Variants in SLC5A10 observed in about 807,000 individuals in gnomAD.
SLC5A10 encodes the protein sodium/mannose cotransporter SLC5A10.
Under a neutral mutation model 68.9 loss-of-function variants are expected in SLC5A10, and 55 were observed. The observed-to-expected ratio is 0.80, with a 90% confidence interval of 0.64 to 1.00. The LOEUF is 1.00. Ranked by LOEUF, SLC5A10 falls within the 50% of genes least tolerant of loss-of-function variation. SLC5A10 has a pLI of 0.00. For synonymous variants in SLC5A10, 344 were observed against 344.8 expected (o/e 1.00, Z 0.02); for missense variants, 732 against 819.3 (o/e 0.89, Z 1.30).
chr17:18,952,378 A>T, intron 1 of SLC5A10, 62 bp downstream of exon 1: 1 of 1,549,878 alleles, frequency 6.5e-7, no homozygotes, highest in Non-Finnish European at 8.7e-7. Flanking sequence ...TGGGGTGGGA[A>T]CCGGGGTCCA....
At chr17:18,952,449 C>A in intron 1 of SLC5A10, 133 bp downstream of exon 1, 1 of 1,112,100 alleles carries the variant, frequency 9.0e-7, no homozygotes, top group South Asian at 1.6e-5. Flanking sequence ...TTGTGGTCCT[C>A]CTCCCAGCCT....
At chr17:18,984,490 C>T (rs546188062) in intron 9 of SLC5A10, among the ~76,000 whole-genome samples, 24 of 152,338 alleles carry the variant, frequency 1.6e-4, no homozygotes, top group African/African-American at 5.8e-4. Flanking sequence ...CAGCGTGAGG[C>T]CTGAGCGGCA....
Position 18,960,546 on chromosome 17 carries a change from A to C in SLC5A10, c.349-2A>C. The C allele has an allele frequency of 6.2e-7, 1 of 1,613,908 alleles. No homozygotes were observed. The highest frequency in any genetic ancestry group is 8.5e-7 in the Non-Finnish European group (1 of 1,179,868). Reference sequence around the variant, plus strand: ...TTAGCCCCTACCCATGTGCCTTCCCAGATCGTCACCTTACCTGAGTACATT... The same window carrying C: ...TTAGCCCCTACCCATGTGCCTTCCCCGATCGTCACCTTACCTGAGTACATT... On this transcript the variant is annotated splice_acceptor_variant, in intron 4 of 14. Coordinates refer to ENST00000395645, the MANE Select transcript of SLC5A10 (RefSeq NM_001042450.4). LOFTEE classifies it high-confidence loss of function.
rs546404252 is a variant in SLC5A10, at chr17:19,017,740, A to G, written c.1242-1683A>G. 5 of 239,742 alleles carry G rather than the reference A, an allele frequency of 2.1e-5. No individual in the cohort carries two copies. The highest frequency in any genetic ancestry group is 6.1e-5 in the South Asian group (1 of 16,404). The allele number at this position is 239,742 out of a possible 1,614,324, so 14.9% of individuals were successfully genotyped here. On this transcript the variant is annotated intron_variant, in intron 11 of 14. Coordinates refer to ENST00000395645, the MANE Select transcript of SLC5A10 (RefSeq NM_001042450.4). The surrounding 1 kb of genome is among the most constrained non-coding windows in gnomAD (Gnocchi z 5.6). ...CCTGGAAACCCTGTGCAGGACTCGG[A>G]GAGATCTCAGACACCCCTCCTTGAG...
chr17:18,979,686 C>A (rs766396189), intron 9 of SLC5A10: 2 of 1,612,802 alleles, frequency 1.2e-6, no homozygotes, highest in Non-Finnish European at 1.7e-6. Context: ...GTTTTGGGAA[C>A]CAAGAGACAG....
At chr17:18,961,345 G>A (rs921408103) in intron 5 of SLC5A10, among the ~76,000 whole-genome samples, 2 of 152,190 alleles carry the variant, frequency 1.3e-5, no homozygotes, top group Non-Finnish European at 2.9e-5. Flanking sequence ...TTCTGAAGGG[G>A]CTTGAGTCCT....
chr17:18,952,737 G>A (rs1260503246), intron 1 of SLC5A10, among the ~76,000 whole-genome samples: 4 of 149,524 alleles, frequency 2.7e-5, no homozygotes, highest in Non-Finnish European at 4.5e-5. Flanking sequence ...AGGGCCCTGG[G>A]AACTGGGGGT....
intron 10 of SLC5A10, among the ~76,000 whole-genome samples, chr17:19,014,331 C>G (rs1201436399): frequency 6.6e-6 from 1 of 152,174 alleles, no homozygotes; most frequent in Non-Finnish European, 1.5e-5. Flanking sequence ...CCCTCAGGCC[C>G]TCTTGAGCCC....
chr17:18,960,359 G>A (rs2074275), intron 4 of SLC5A10, among the ~76,000 whole-genome samples, 189 bp from the exon 5 acceptor site: 44,358 of 152,182 alleles, frequency 0.29, 6,626 homozygotes, highest in East Asian at 0.39. Flanking sequence ...CCCTCGGGGC[G>A]CAGCCGGAGC....
intron 5 of SLC5A10, among the ~76,000 whole-genome samples, chr17:18,967,322 T>A (rs1280680577): frequency 6.6e-6 from 1 of 151,976 alleles, no homozygotes; most frequent in Non-Finnish European, 1.5e-5. Flanking sequence ...ATTCAGTCTT[T>A]GGGGCCTGCC....
At chr17:18,977,481 ATCAGAG>A in intron 9 of SLC5A10, 1 of 1,183,740 alleles carries the variant, frequency 8.4e-7, no homozygotes, top group Admixed American at 2.2e-5. Context: ...AATTGAAGTC[ATCAGAG>A]TCAGGGACAT....
intron 13 of SLC5A10, 32 bp from the exon 14 acceptor site, chr17:19,020,123 C>G: frequency 2.5e-6 from 4 of 1,583,632 alleles, no homozygotes; most frequent in Non-Finnish European, 2.6e-6. Context: ...CCATCCCCCA[C>G]CCCCAACCCT....
intron 1 of SLC5A10, among the ~76,000 whole-genome samples, chr17:18,952,926 A>G (rs1373184364): frequency 6.6e-6 from 1 of 151,990 alleles, no homozygotes; most frequent in African/African-American, 2.4e-5. Context: ...GGAGAAACCG[A>G]GGCTCTGGCC....
chr17:18,993,727 G>T (rs1055789713), intron 9 of SLC5A10, among the ~76,000 whole-genome samples: 1 of 152,168 alleles, frequency 6.6e-6, no homozygotes, highest in Non-Finnish European at 1.5e-5. Context: ...CTTGGGGTTC[G>T]TTATTCTCCA....
Position 19,003,793 on chromosome 17 carries a change from G to T in SLC5A10, c.983-9617G>T. 6.2e-7 allele frequency: 1 copy of T among 1,612,308 alleles called. No homozygotes were observed. Among genetic ancestry groups the T allele is most frequent in the Non-Finnish European group, 8.5e-7 (1 of 1,179,554 alleles). On this transcript the variant is annotated intron_variant, in intron 9 of 14. Coordinates refer to ENST00000395645, the MANE Select transcript of SLC5A10 (RefSeq NM_001042450.4). The surrounding 1 kb of genome is among the most constrained non-coding windows in gnomAD (Gnocchi z 4.5). Reference sequence around the variant, plus strand: ...CCTCGGGCCCCTGAGAGGGGCCCGTGCCCCGAGGGTCCTCAGAGCCCGGGT... The same window carrying T: ...CCTCGGGCCCCTGAGAGGGGCCCGTTCCCCGAGGGTCCTCAGAGCCCGGGT...
At chr17:18,989,746 T>A (rs2043364492) in intron 9 of SLC5A10, among the ~76,000 whole-genome samples, 1 of 152,234 alleles carries the variant, frequency 6.6e-6, no homozygotes, top group Non-Finnish European at 1.5e-5. Flanking sequence ...TCAGCCTGAC[T>A]CCTGCAGCCT....
In SLC5A10 at chr17:19,020,671, G is replaced by T; in HGVS notation, c.*240G>T. ...GCAGTCAGCATTGGAAGGAAAATTA[G>T]ATTTCTGACGGACATCCTGATGTTG... On this transcript the variant is annotated 3_prime_UTR_variant, in exon 15 of 15. Transcript: ENST00000395645. 1 of 554,210 alleles carries T rather than the reference G, an allele frequency of 1.8e-6. No individual in the cohort carries two copies. The highest frequency in any genetic ancestry group is 3.2e-6 in the Non-Finnish European group (1 of 308,554). The allele number at this position is 554,210 out of a possible 1,614,324, so 34.3% of individuals were successfully genotyped here. A position where few individuals can be genotyped will look rare whatever the true frequency, so the allele number is the denominator to read the frequency against.
intron 9 of SLC5A10, chr17:18,988,384 C>T (rs1487661504): frequency 3.1e-6 from 5 of 1,614,048 alleles, no homozygotes; most frequent in Admixed American, 1.7e-5. Context: ...ATGTCCACGT[C>T]GGTGAACATG....
chr17:18,980,124 T>A (rs1423972586), intron 9 of SLC5A10, among the ~76,000 whole-genome samples: 2 of 152,130 alleles, frequency 1.3e-5, no homozygotes, highest in Non-Finnish European at 2.9e-5. Flanking sequence ...GAAGGGGGCC[T>A]GCCCTGCAGA....
Sources: gnomAD v4.1 joint callset for allele counts (sites outside exome capture counted in the v4.1 genomes callset) on GRCh38, gnomAD v4.1.1 for gene constraint, Gnocchi (gnomAD v3.1) non-coding constraint, MANE v1.5 for transcripts, NCBI Gene and HGNC (gene_info 2026-07-23, HGNC 2026-07-21) for gene names.